The following DCC variants were observed in gnomAD, a reference collection of about 807,000 sequenced individuals.
DCC encodes netrin receptor DCC.
Under a neutral mutation model 172.5 loss-of-function variants are expected in DCC, and 58 were observed. The ratio of observed to expected loss-of-function variants is 0.34; its 90% CI spans 0.27 to 0.42. The LOEUF (loss-of-function observed/expected upper bound fraction) is 0.42. Among genes scored for constraint, DCC ranks in the 10% least tolerant of loss-of-function variants. The probability of loss-of-function intolerance (pLI) is 1.00; values close to 1 mark genes in which losing one functional copy is unlikely to be tolerated. For missense variants in DCC, 1,740 were observed against 1,791.0 expected, an observed-to-expected ratio of 0.97 and a Z score of 0.51; for synonymous variants, 709 against 644.5, an observed-to-expected ratio of 1.10 and a Z score of -1.52.
At chr18:52,653,724 C>G (rs2035189308) in intron 1 of DCC, among the ~76,000 whole-genome samples, 1 of 152,070 alleles carries the variant, frequency 6.6e-6, no homozygotes, top group Non-Finnish European at 1.5e-5. Context: ...AACTTCTTTC[C>G]CCTCCGCCAG....
chr18:53,380,747 C>T (rs1348312750), intron 15 of DCC, among the ~76,000 whole-genome samples: 4 of 152,072 alleles, frequency 2.6e-5, no homozygotes, highest in Non-Finnish European at 4.4e-5. Flanking sequence ...TACTAACTGA[C>T]GATAGGAAAA....
At chr18:52,962,783 T>G (rs1000213643) in intron 5 of DCC, among the ~76,000 whole-genome samples, 51 of 152,040 alleles carry the variant, frequency 3.4e-4, no homozygotes, top group African/African-American at 1.1e-3. Context: ...CCATAAAAAA[T>G]GATGAGTTCA....
chr18:52,925,164 T>A, intron 4 of DCC, 70 bp from the exon 5 acceptor site: 1 of 1,469,994 alleles, frequency 6.8e-7, no homozygotes, highest in South Asian at 1.1e-5. Flanking sequence ...GGAGGTCATT[T>A]AAAGCTCTGA....
chr18:52,944,862 G>A (rs1051505224), intron 5 of DCC, among the ~76,000 whole-genome samples: 2 of 152,092 alleles, frequency 1.3e-5, no homozygotes, highest in East Asian at 1.9e-4. Context: ...TCATAAGTTG[G>A]TATTTATGAT....
intron 3 of DCC, among the ~76,000 whole-genome samples, chr18:52,911,963 A>G (rs1324963923): frequency 6.6e-6 from 1 of 152,020 alleles, no homozygotes; most frequent in Non-Finnish European, 1.5e-5. Flanking sequence ...TAGATATATC[A>G]GATTTAATTC....
At position 52,870,520 on chromosome 18, in the gene DCC, A is replaced by G. The variant is rs570512226; in HGVS notation, c.413-35524A>G. On this transcript the variant is annotated intron_variant, in intron 2 of 28. Coordinates refer to ENST00000442544, the MANE Select transcript of DCC (RefSeq NM_005215.4). ...GTGAGAACGGCTTTAATTCTAAATA[A>G]TACCAGCCATTATTCCGGAGGCCGT... is the stretch of plus-strand genomic sequence containing the variant. 7.2e-5 allele frequency among the ~76,000 whole-genome samples: 11 copies of G among 152,252 alleles called. 1 individual carries two copies. In the South Asian group the frequency reaches 2.3e-3, roughly 32 times the overall value.
At chr18:52,651,193 C>T (rs1483238983) in intron 1 of DCC, among the ~76,000 whole-genome samples, 2 of 152,076 alleles carry the variant, frequency 1.3e-5, no homozygotes, top group Admixed American at 6.6e-5. Flanking sequence ...GAGTAGGTGT[C>T]GCTCTGTTGG....
At chr18:52,563,076 C>T (rs1394828493) in intron 1 of DCC, among the ~76,000 whole-genome samples, 1 of 152,122 alleles carries the variant, frequency 6.6e-6, no homozygotes, top group Non-Finnish European at 1.5e-5. Context: ...AAATGAAATT[C>T]ATCATCTCTC....
chr18:53,078,314 A>C (rs1347340460), intron 7 of DCC, among the ~76,000 whole-genome samples: 1 of 152,162 alleles, frequency 6.6e-6, no homozygotes, highest in Non-Finnish European at 1.5e-5. Flanking sequence ...TAAATACATA[A>C]ATAAATTTTA....
At chr18:53,506,390 A>G (rs777566031) in intron 27 of DCC, among the ~76,000 whole-genome samples, 3 of 152,166 alleles carry the variant, frequency 2.0e-5, no homozygotes, top group Non-Finnish European at 4.4e-5. Flanking sequence ...AACATTTTAT[A>G]ACATGTTTAA....
intron 1 of DCC, among the ~76,000 whole-genome samples, chr18:52,738,011 C>T (rs918732940): frequency 6.6e-5 from 10 of 152,158 alleles, no homozygotes; most frequent in African/African-American, 1.7e-4. Flanking sequence ...TTTGTAATAA[C>T]GGTTTATCAT....
rs550229959 is a variant in DCC, at chr18:53,039,138, C to T, written c.986-24167C>T. On this transcript the variant is annotated intron_variant, in intron 5 of 28. Transcript: ENST00000442544. ...TATTACACAAAGTCTGTGTCTCTAG[C>T]TTTCAGCAATGTGGGATTTCTTTTT... is the stretch of plus-strand genomic sequence containing the variant. 5.9e-5 allele frequency among the ~76,000 whole-genome samples: 9 copies of T among 152,080 alleles called. No homozygotes were observed. The South Asian group carries it at 8.3e-4, about 14-fold the overall frequency.
rs535472278 is a variant in DCC at position 53,348,739 on chromosome 18, C to T, written c.2359+8832C>T. On this transcript the variant is annotated intron_variant, in intron 15 of 28. Coordinates refer to ENST00000442544, the MANE Select transcript of DCC (RefSeq NM_005215.4). Reference sequence around the variant, plus strand: ...GGAAGCTGCCAAGACTTGAGGCTTACACCCACTGAAACCATGGCCCTATCT... The same window carrying T: ...GGAAGCTGCCAAGACTTGAGGCTTATACCCACTGAAACCATGGCCCTATCT... Among the ~76,000 whole-genome samples the T allele has an allele frequency of 5.9e-5, 9 of 152,330 alleles. No homozygotes were observed. The East Asian group carries it at 1.5e-3, about 26-fold the overall frequency.
At chr18:52,504,725 G>A (rs183417809) in intron 1 of DCC, among the ~76,000 whole-genome samples, 1 of 152,008 alleles carries the variant, frequency 6.6e-6, no homozygotes, top group Non-Finnish European at 1.5e-5. Flanking sequence ...CTCTCCTCCT[G>A]CTTCCCCCCT....
intron 1 of DCC, among the ~76,000 whole-genome samples, chr18:52,496,951 C>T (rs2030777115): frequency 6.6e-6 from 1 of 151,728 alleles, no homozygotes. Flanking sequence ...AGCCACTTTA[C>T]ATATAATGAA....
At chr18:53,522,313 A>G (rs1345199612) in intron 27 of DCC, among the ~76,000 whole-genome samples, 2 of 152,042 alleles carry the variant, frequency 1.3e-5, no homozygotes, top group Non-Finnish European at 2.9e-5. Context: ...GAGTAGAGGT[A>G]AACCATTCAC....
chr18:52,929,967 T>C (rs2040281746), intron 5 of DCC, among the ~76,000 whole-genome samples: 1 of 152,066 alleles, frequency 6.6e-6, no homozygotes, highest in Admixed American at 6.6e-5. Flanking sequence ...CCTGTGCACA[T>C]GTCTATCTTC....
rs1474135028 is a variant in DCC at position 52,489,809 on chromosome 18, T to G, written c.91+148931T>G. On this transcript the variant is annotated intron_variant, in intron 1 of 28. Transcript: ENST00000442544. ...TGAAATCTCTTTCATCTGAATTTGC[T>G]GGGTTGACAAGTCTAAGACCCGACA... Among the ~76,000 whole-genome samples the G allele has an allele frequency of 3.3e-5, 5 of 152,086 alleles. No homozygotes were observed. The East Asian group carries it at 9.7e-4, about 29-fold the overall frequency.
intron 8 of DCC, among the ~76,000 whole-genome samples, chr18:53,160,840 C>G (rs2054827504): frequency 6.6e-6 from 1 of 152,064 alleles, no homozygotes; most frequent in African/African-American, 2.4e-5. Context: ...TCATATGTGA[C>G]TTTTTTTTCA....
Sources: gnomAD v4.1 joint callset for allele counts (sites outside exome capture counted in the v4.1 genomes callset) on GRCh38, gnomAD v4.1.1 for gene constraint, MANE v1.5 for transcripts, NCBI Gene and HGNC (gene_info 2026-07-23, HGNC 2026-07-21) for gene names.